The following FILIP1L variants were observed in gnomAD, a reference collection of about 807,000 sequenced individuals.
FILIP1L encodes filamin A-interacting protein 1-like.
Under a neutral mutation model 96.6 loss-of-function variants are expected in FILIP1L, and 55 were observed. The ratio of observed to expected loss-of-function variants is 0.57; its 90% CI spans 0.46 to 0.71. The LOEUF is 0.71. Among genes scored for constraint, FILIP1L ranks in the 30% least tolerant of loss-of-function variants. The pLI, the probability that FILIP1L is intolerant of heterozygous loss-of-function variation, is 0.00. For synonymous variants in FILIP1L, 467 were observed against 473.9 expected, an observed-to-expected ratio of 0.99 and a Z score of 0.19; for missense variants, 1,304 against 1,321.2, an observed-to-expected ratio of 0.99 and a Z score of 0.20.
chr3:99,967,475 A>G (rs1220155027), intron 1 of FILIP1L, among the ~76,000 whole-genome samples: 2 of 152,206 alleles, frequency 1.3e-5, no homozygotes, highest in African/African-American at 4.8e-5. Flanking sequence ...TATGGTACAT[A>G]GTGATCCAGT....
intron 1 of FILIP1L, among the ~76,000 whole-genome samples, chr3:99,992,546 T>G (rs2107137660): frequency 6.6e-6 from 1 of 152,262 alleles, no homozygotes; most frequent in South Asian, 2.1e-4. Flanking sequence ...TTTGAGTTCC[T>G]TGTAGATTCT....
chr3:100,051,724 A>G (rs569861823), intron 1 of FILIP1L, among the ~76,000 whole-genome samples: 27 of 151,906 alleles, frequency 1.8e-4, no homozygotes, highest in African/African-American at 6.0e-4. Flanking sequence ...CATGGTGTAC[A>G]TGTGCCACAT....
rs767633355 is a variant in FILIP1L at position 99,924,253 on chromosome 3, G to A, written c.582C>T (p.Cys194=). ...ACCTTTCACATTCCTGTTCTAGTAG[G>A]CATATGAATTCATCACTCTTCTCCA... ...EYMEKSDEFI[C]LLEQECERLK... Residue 194 remains cysteine, a synonymous_variant, in exon 4 of 6, where the codon TGC becomes TGT. Coordinates refer to ENST00000477258, the MANE Select transcript of FILIP1L (RefSeq NM_001387850.1). The A allele has an allele frequency of 9.3e-6, 15 of 1,613,706 alleles. No homozygotes were observed. Among genetic ancestry groups the A allele is most frequent in the Non-Finnish European group, 1.2e-5 (14 of 1,179,890 alleles).
At chr3:100,001,293 C>T (rs189923448) in intron 1 of FILIP1L, among the ~76,000 whole-genome samples, 34 of 152,266 alleles carry the variant, frequency 2.2e-4, no homozygotes, top group Admixed American at 2.2e-3. Flanking sequence ...TGGCTATACT[C>T]CTTCATTTAC....
chr3:99,863,660 T>C (rs754875901), intron 4 of FILIP1L, among the ~76,000 whole-genome samples: 13 of 152,228 alleles, frequency 8.5e-5, no homozygotes, highest in East Asian at 1.9e-4. Context: ...ATTTCAATTA[T>C]GGATTTTTAG....
At position 99,849,943 on chromosome 3, in the gene FILIP1L, C is replaced by T; in HGVS notation, c.1733G>A (p.Gly578Glu). ...KNKLKAEEEK[G>E]NDLLSRVNML... ...ATTAACTCTTGACAGGAGATCATTT[C>T]CTTTCTCTTCTTCCGCTTTCAATTT... The change falls in exon 5 of 6, where the codon GGA becomes GAA. Residue 578 changes from glycine to glutamate, a missense_variant. By Grantham distance (98) the Gly-to-Glu change is moderately conservative. Coordinates refer to ENST00000477258, the MANE Select transcript of FILIP1L (RefSeq NM_001387850.1). 6.2e-7 allele frequency: 1 copy of T among 1,613,084 alleles called. No individual in the cohort carries two copies. The highest frequency in any genetic ancestry group is 8.5e-7 in the Non-Finnish European group (1 of 1,179,798).
intron 1 of FILIP1L, among the ~76,000 whole-genome samples, chr3:99,950,449 C>T (rs920434016): frequency 6.6e-6 from 1 of 152,122 alleles, no homozygotes; most frequent in African/African-American, 2.4e-5. Context: ...GTGGCAGGGC[C>T]ATGATGCACA....
chr3:100,061,162 G>C (rs920100673), intron 1 of FILIP1L, among the ~76,000 whole-genome samples: 4 of 152,066 alleles, frequency 2.6e-5, no homozygotes, highest in African/African-American at 9.7e-5. Context: ...AATTTTAAAA[G>C]GAAGGAAGGG....
intron 1 of FILIP1L, among the ~76,000 whole-genome samples, chr3:99,935,520 G>T (rs922960173): frequency 3.9e-5 from 6 of 152,178 alleles, no homozygotes; most frequent in Admixed American, 3.9e-4. Flanking sequence ...GGTCTGTGTT[G>T]TTGCTTATAA....
At chr3:99,907,341 G>A (rs1047828896) in intron 4 of FILIP1L, among the ~76,000 whole-genome samples, 23 of 151,858 alleles carry the variant, frequency 1.5e-4, no homozygotes, top group Admixed American at 9.2e-4. Context: ...TCCACCTCCC[G>A]GGTTCATGCC....
chr3:99,894,767 G>C (rs1285592893), intron 4 of FILIP1L, among the ~76,000 whole-genome samples: 1 of 152,164 alleles, frequency 6.6e-6, no homozygotes, highest in East Asian at 1.9e-4. Flanking sequence ...TTAGGTAACT[G>C]TGATAGTATG....
chr3:100,046,165 C>T (rs2065275794), intron 1 of FILIP1L, among the ~76,000 whole-genome samples: 1 of 152,138 alleles, frequency 6.6e-6, no homozygotes, highest in Admixed American at 6.5e-5. Flanking sequence ...CATCAAATTT[C>T]CCAGGGCACT....
At chr3:99,896,604 C>T (rs1706262633) in intron 4 of FILIP1L, among the ~76,000 whole-genome samples, 1 of 152,144 alleles carries the variant, frequency 6.6e-6, no homozygotes, top group Non-Finnish European at 1.5e-5. Flanking sequence ...TTAACAACAA[C>T]TATTTTGATG....
intron 4 of FILIP1L, among the ~76,000 whole-genome samples, chr3:99,880,013 C>G (rs888544035): frequency 1.3e-5 from 2 of 152,176 alleles, no homozygotes; most frequent in Non-Finnish European, 2.9e-5. Flanking sequence ...TCTTGCAAAG[C>G]AGCTTTGCCA....
intron 4 of FILIP1L, among the ~76,000 whole-genome samples, chr3:99,906,992 T>G (rs570741245): frequency 3.2e-4 from 49 of 152,336 alleles, no homozygotes; most frequent in African/African-American, 1.2e-3. Flanking sequence ...AATATTTAAG[T>G]TTATTTAAAT....
chr3:99,978,136 A>G (rs1263054513), intron 1 of FILIP1L, among the ~76,000 whole-genome samples: 1 of 152,238 alleles, frequency 6.6e-6, no homozygotes, highest in Non-Finnish European at 1.5e-5. Context: ...ATAGTAAAGC[A>G]TTTAGAATTT....
intron 4 of FILIP1L, among the ~76,000 whole-genome samples, chr3:99,911,683 G>C (rs1688782): frequency 0.31 from 46,456 of 151,952 alleles, 7,264 homozygotes; most frequent in Admixed American, 0.36. Flanking sequence ...CTTCACATTC[G>C]CTCCCTGCAG....
intron 1 of FILIP1L, among the ~76,000 whole-genome samples, chr3:100,072,517 A>G (rs1211514544): frequency 6.6e-6 from 1 of 152,172 alleles, no homozygotes; most frequent in Non-Finnish European, 1.5e-5. Flanking sequence ...CAGTGGTGCA[A>G]TATCTTGCAT....
intron 1 of FILIP1L, among the ~76,000 whole-genome samples, chr3:99,991,840 G>A (rs909690275): frequency 2.7e-4 from 40 of 148,742 alleles, no homozygotes; most frequent in African/African-American, 9.9e-4. Context: ...ATATATATGT[G>A]TGTGTGTGTG....
Sources: gnomAD v4.1 joint callset for allele counts (sites outside exome capture counted in the v4.1 genomes callset) on GRCh38, gnomAD v4.1.1 for gene constraint, MANE v1.5 for transcripts, NCBI Gene and HGNC (gene_info 2026-07-23, HGNC 2026-07-21) for gene names.